PPP2R2C: variants seen among roughly 807,000 people sequenced by gnomAD.
PPP2R2C encodes the protein protein phosphatase 2 regulatory subunit Bgamma.
In PPP2R2C, 10 loss-of-function variants were observed where a neutral mutation model predicts 45.3. The observed-to-expected ratio is 0.22, with a 90% confidence interval of 0.14 to 0.37. The LOEUF (loss-of-function observed/expected upper bound fraction) is 0.37, where lower values mean the gene tolerates loss of function less well. PPP2R2C is among the 10% of genes least tolerant of loss of function. The pLI, the probability that PPP2R2C is intolerant of heterozygous loss-of-function variation, is 1.00. For synonymous variants in PPP2R2C, 257 were observed against 245.4 expected (o/e 1.05, Z -0.44); for missense variants, 308 against 619.7 (o/e 0.50, Z 5.34).
chr4:6,369,056 A>G (rs1714583316), intron 5 of PPP2R2C, among the ~76,000 whole-genome samples: 1 of 152,212 alleles, frequency 6.6e-6, no homozygotes, highest in Admixed American at 6.5e-5. Flanking sequence ...ATTGAAGCAC[A>G]TGTTTACCTC....
chr4:6,407,265 C>A (rs1373905793), intron 1 of PPP2R2C, among the ~76,000 whole-genome samples: 2 of 152,214 alleles, frequency 1.3e-5, no homozygotes, highest in Admixed American at 6.5e-5. Context: ...CATGGCCTTA[C>A]AAGTGTGAGG....
At chr4:6,463,441 C>A (rs4444913) in intron 1 of PPP2R2C, among the ~76,000 whole-genome samples, 3 of 152,210 alleles carry the variant, frequency 2.0e-5, no homozygotes, top group Non-Finnish European at 4.4e-5. Flanking sequence ...TCCCTGCTTG[C>A]GGCAGCCCAC....
chr4:6,514,663 C>A (rs1723777358), intron 2 of PPP2R2C, among the ~76,000 whole-genome samples: 1 of 152,200 alleles, frequency 6.6e-6, no homozygotes, highest in Non-Finnish European at 1.5e-5. Context: ...TAGTGCAGGA[C>A]AAGCACAGGT....
At chr4:6,400,863 T>A (rs1032840496) in intron 1 of PPP2R2C, among the ~76,000 whole-genome samples, 1 of 152,150 alleles carries the variant, frequency 6.6e-6, no homozygotes, top group African/African-American at 2.4e-5. Flanking sequence ...CTCAAACCTC[T>A]CTGTAATGCC....
At position 6,331,221 on chromosome 4, in the gene PPP2R2C, C is replaced by T. The variant is rs746134239; in HGVS notation, c.961-1868G>A. Among the ~76,000 whole-genome samples the T allele has an allele frequency of 3.3e-5, 5 of 152,212 alleles. No individual in the cohort carries two copies. The highest frequency in any genetic ancestry group is 6.5e-5 in the Admixed American group (1 of 15,282). ...CTCTCTGCCGTGCACTAAGCATCTC[C>T]TGCCCTCTAGTGGCAGGGTGAGGAA... On this transcript the variant is annotated intron_variant, in intron 7 of 8. Coordinates refer to ENST00000382599, the MANE Select transcript of PPP2R2C (RefSeq NM_020416.4). This position sits in a 1 kb window ranked among gnomAD's most constrained non-coding sequence, Gnocchi z 5.9.
chr4:6,497,104 C>G (rs1304192803), intron 2 of PPP2R2C, among the ~76,000 whole-genome samples: 1 of 152,058 alleles, frequency 6.6e-6, no homozygotes. Context: ...GAGCAGCAGT[C>G]ATTCAGGGAA....
intron 5 of PPP2R2C, among the ~76,000 whole-genome samples, chr4:6,361,415 C>T (rs1713719193): frequency 6.6e-6 from 1 of 152,212 alleles, no homozygotes; most frequent in Non-Finnish European, 1.5e-5. Flanking sequence ...CTTGAAAGTC[C>T]AGCCCCACTG....
At chr4:6,468,541 G>A (rs1721700579) in intron 1 of PPP2R2C, among the ~76,000 whole-genome samples, 2 of 152,176 alleles carry the variant, frequency 1.3e-5, no homozygotes, top group Non-Finnish European at 2.9e-5. Context: ...GCTGAAAAGT[G>A]TGCTCCGGAA....
At chr4:6,343,241 A>G (rs1260385837) in intron 6 of PPP2R2C, among the ~76,000 whole-genome samples, 2 of 152,168 alleles carry the variant, frequency 1.3e-5, no homozygotes, top group East Asian at 3.9e-4. Context: ...CACTTCAGCC[A>G]CTCGCCCCAA....
intron 1 of PPP2R2C, among the ~76,000 whole-genome samples, chr4:6,537,522 T>C (rs566991356): frequency 2.6e-5 from 4 of 151,620 alleles, no homozygotes; most frequent in Non-Finnish European, 5.9e-5. Flanking sequence ...TGACACATGC[T>C]ACAATGTAGA....
intron 5 of PPP2R2C, among the ~76,000 whole-genome samples, chr4:6,361,827 G>A (rs1424045532): frequency 3.3e-5 from 5 of 152,224 alleles, no homozygotes; most frequent in Non-Finnish European, 7.3e-5. Flanking sequence ...ACCCCGCCCT[G>A]ACTGCTGGGG....
Position 6,513,699 on chromosome 4 carries a change from G to A in PPP2R2C, c.49+21572C>T, listed in dbSNP as rs78027540. 1.4e-3 allele frequency among the ~76,000 whole-genome samples: 216 copies of A among 152,310 alleles called. 2 individuals are homozygous for A. In the East Asian group the frequency reaches 0.039, roughly 28 times the overall value. ...ATTAAGGGCATCTGTGCCCAACCAG[G>A]GAGCTTCAGCTGTGCTCCCCCATCA... On this transcript the variant is annotated intron_variant, in intron 2 of 9. Transcript: ENST00000506140.
chr4:6,328,743 T>C lies in PPP2R2C; in HGVS notation c.1052+519A>G, dbSNP rs372189462. Among the ~76,000 whole-genome samples the C allele has an allele frequency of 4.6e-5, 7 of 152,274 alleles. No individual in the cohort carries two copies. The East Asian group carries it at 9.7e-4, about 21-fold the overall frequency. ...TGGACTTGTGGATTGTGACAAGCCC[T>C]GGAGGGTGTAGGAGCTCCAAGGTGC... is the stretch of plus-strand genomic sequence containing the variant. On this transcript the variant is annotated intron_variant, in intron 8 of 8. Transcript: ENST00000382599. This position sits in a 1 kb window ranked among gnomAD's most constrained non-coding sequence, Gnocchi z 4.4.
intron 6 of PPP2R2C, among the ~76,000 whole-genome samples, chr4:6,336,439 C>T (rs1341572764): frequency 5.3e-5 from 8 of 152,076 alleles, no homozygotes; most frequent in Admixed American, 6.5e-5. Flanking sequence ...TGGCCTTGAA[C>T]GCCTTCACCT....
intron 1 of PPP2R2C, among the ~76,000 whole-genome samples, chr4:6,426,477 CAG>C (rs1263307644): frequency 2.6e-5 from 4 of 152,198 alleles, no homozygotes; most frequent in Non-Finnish European, 5.9e-5. Context: ...CCAGGAGAGA[CAG>C]AGCCCCAGAC....
At chr4:6,562,971 A>G (rs1431523151) in intron 1 of PPP2R2C, among the ~76,000 whole-genome samples, 10 of 151,950 alleles carry the variant, frequency 6.6e-5, no homozygotes, top group Admixed American at 1.3e-4. Flanking sequence ...CCAAAAAAAA[A>G]AAAAAAAGGC....
At chr4:6,448,482 G>A (rs754304827) in intron 1 of PPP2R2C, among the ~76,000 whole-genome samples, 3 of 151,844 alleles carry the variant, frequency 2.0e-5, no homozygotes, top group Non-Finnish European at 4.4e-5. Context: ...AGTTCCAAGC[G>A]GCTCCCAGGC....
rs1471104181 is a variant in PPP2R2C at position 6,397,555 on chromosome 4, C to T, written c.71-16461G>A. 5.0e-5 allele frequency among the ~76,000 whole-genome samples: 4 copies of T among 80,464 alleles called. 1 individual carries two copies. The highest frequency in any genetic ancestry group is 0.013 in the Middle Eastern group (2 of 158). The allele number at this position is 80,464 out of a possible 152,430, so 52.8% of individuals were successfully genotyped here. On this transcript the variant is annotated intron_variant, in intron 1 of 8. Transcript: ENST00000382599. ...TGCAAGAGCCTCTTGCATGAGGTTC[C>T]AAGAACCTCACAAGTTCTTGGCTAG... is the stretch of plus-strand genomic sequence containing the variant.
Position 6,333,655 on chromosome 4 carries a change from G to A in PPP2R2C, c.867C>T (p.Phe289=), listed in dbSNP as rs757601971. The change falls in exon 7 of 9, where the codon TTC becomes TTT. Residue 289 remains phenylalanine, a synonymous_variant. Coordinates refer to ENST00000382599, the MANE Select transcript of PPP2R2C (RefSeq NM_020416.4). ...TGAGCATGTAGCGGCCGCTGTGGCTGAACTTCACGTCGGACACGGAGGAGA... is the reference window on the plus strand; with the variant it reads ...TGAGCATGTAGCGGCCGCTGTGGCTAAACTTCACGTCGGACACGGAGGAGA... ...EIISSVSDVK[F]SHSGRYMLTR... The A allele has an allele frequency of 6.2e-7, 1 of 1,614,182 alleles. No individual in the cohort carries two copies. The highest frequency in any genetic ancestry group is 1.1e-5 in the South Asian group (1 of 91,078).
Sources: allele counts gnomAD v4.1 joint callset (sites outside exome capture counted in the v4.1 genomes callset), GRCh38; gene constraint gnomAD v4.1.1; non-coding constraint Gnocchi (gnomAD v3.1); transcripts MANE v1.5; gene names NCBI Gene and HGNC (gene_info 2026-07-23, HGNC 2026-07-21).